Variants in RNF157 observed in about 807,000 individuals in gnomAD.
RNF157 encodes the protein E3 ubiquitin ligase RNF157.
Under a neutral mutation model 88.3 loss-of-function variants are expected in RNF157, and 55 were observed. That is an observed-to-expected ratio of 0.62 (90% CI 0.50 to 0.78). RNF157 has a LOEUF of 0.78. RNF157 is among the 30% of genes least tolerant of loss of function. The probability of loss-of-function intolerance (pLI) is 0.00; values close to 1 mark genes in which losing one functional copy is unlikely to be tolerated. For missense variants in RNF157, 788 were observed against 860.8 expected (o/e 0.92, Z 1.06); for synonymous variants, 334 against 341.2 (o/e 0.98, Z 0.23).
At chr17:76,212,120 G>T (rs1176412315) in intron 2 of RNF157, 2 of 336,716 alleles carry the variant, frequency 5.9e-6, no homozygotes, top group East Asian at 4.7e-5. Flanking sequence ...GACAGGGAGA[G>T]ATCTGTCCTA....
intron 2 of RNF157, among the ~76,000 whole-genome samples, chr17:76,187,476 G>A (rs547364924): frequency 3.9e-5 from 6 of 152,160 alleles, no homozygotes; most frequent in Middle Eastern, 3.4e-3. Flanking sequence ...GAGCCACGGC[G>A]TCTGGCCAGG....
At position 76,240,316 on chromosome 17, in the gene RNF157, CGCGCCCGGT is replaced by C; in HGVS notation, c.-85_-77del. On this transcript the variant is annotated 5_prime_UTR_variant, in exon 1 of 19. Transcript: ENST00000269391. The surrounding 1 kb of genome is among the most constrained non-coding windows in gnomAD (Gnocchi z 4.4). ...CGCGCTTCACCGCGGCCGCCCGCCC[CGCGCCCGGT>C]GCGGGGGCCGACTGCCCGCCGCGGC... The C allele has an allele frequency of 1.4e-6, 1 of 722,140 alleles. No homozygotes were observed. The highest frequency in any genetic ancestry group is 6.0e-5 in the South Asian group (1 of 16,590). The allele number at this position is 722,140 out of a possible 1,614,324, so 44.7% of individuals were successfully genotyped here.
At chr17:76,205,761 A>AAATAAAT (rs1165444181) in intron 2 of RNF157, among the ~76,000 whole-genome samples, 1 of 150,110 alleles carries the variant, frequency 6.7e-6, no homozygotes, top group African/African-American at 2.5e-5. Context: ...ATAAATAAAT[A>AAATAAAT]AAATAATAAT....
intron 2 of RNF157, among the ~76,000 whole-genome samples, chr17:76,210,596 A>AAAAAAAAG (rs2069777130): frequency 6.7e-6 from 1 of 150,028 alleles, no homozygotes; most frequent in Non-Finnish European, 1.5e-5. Flanking sequence ...TCCAAAAAAA[A>AAAAAAAAG]AAAAAAAAGA....
rs78399909 is a variant in RNF157, at chr17:76,143,487, T to C, written c.*1748A>G. On this transcript the variant is annotated 3_prime_UTR_variant, in exon 19 of 19. Transcript: ENST00000269391. Reference sequence around the variant, plus strand: ...TCAGGGAAATCAGGAAGTGGGGTTATTGCTCAGCTTATGCATCTTAACTAT... The same window carrying C: ...TCAGGGAAATCAGGAAGTGGGGTTACTGCTCAGCTTATGCATCTTAACTAT... The C allele has an allele frequency of 6.6e-6, 1 of 152,390 alleles. No individual in the cohort carries two copies. The highest frequency in any genetic ancestry group is 2.4e-5 in the African/African-American group (1 of 41,572). 9.4% of individuals were successfully genotyped at this position (152,390 alleles called of 1,614,324 possible).
intron 2 of RNF157, among the ~76,000 whole-genome samples, chr17:76,174,838 T>C (rs1476707794): frequency 1.3e-5 from 2 of 152,258 alleles, no homozygotes; most frequent in Non-Finnish European, 2.9e-5. Context: ...ATGTGACTCT[T>C]ACATTCAATA....
rs1259547703 is a variant in RNF157 at position 76,160,318 on chromosome 17, T to C, written c.1066-745A>G. Among the ~76,000 whole-genome samples the C allele has an allele frequency of 2.6e-5, 4 of 152,152 alleles. No individual in the cohort carries two copies. Among genetic ancestry groups the C allele is most frequent in the African/African-American group, 9.7e-5 (4 of 41,416 alleles). On this transcript the variant is annotated intron_variant, in intron 11 of 18. Coordinates refer to ENST00000269391, the MANE Select transcript of RNF157 (RefSeq NM_052916.3). The surrounding 1 kb of genome is among the most constrained non-coding windows in gnomAD (Gnocchi z 4.3). ...TTCTTGTTATTAAATTATTAGCTCT[T>C]AGATGATGAGGTATAAATGTTTTTA...
chr17:76,185,385 A>G (rs2069263604), intron 2 of RNF157, among the ~76,000 whole-genome samples: 1 of 152,206 alleles, frequency 6.6e-6, no homozygotes, highest in South Asian at 2.1e-4. Flanking sequence ...TTAAAAGGAG[A>G]AAAGCGTGCT....
Position 76,166,989 on chromosome 17 carries a change from C to T in RNF157, c.561+20G>A, listed in dbSNP as rs200852884. Reference sequence around the variant, plus strand: ...GCCCTTCTGAGTGGATGTGGGAAACCCTCCCCAGAGGCAGCTCACCTCCTC... The same window carrying T: ...GCCCTTCTGAGTGGATGTGGGAAACTCTCCCCAGAGGCAGCTCACCTCCTC... On this transcript the variant is annotated intron_variant, in intron 5 of 18. Coordinates refer to ENST00000269391, the MANE Select transcript of RNF157 (RefSeq NM_052916.3). 1.9e-6 allele frequency: 3 copies of T among 1,569,522 alleles called. No individual in the cohort carries two copies. The highest frequency in any genetic ancestry group is 2.6e-6 in the Non-Finnish European group (3 of 1,154,830).
intron 3 of RNF157, among the ~76,000 whole-genome samples, chr17:76,172,447 C>T (rs1230702385): frequency 2.0e-5 from 3 of 151,652 alleles, no homozygotes; most frequent in East Asian, 3.9e-4. Context: ...CAAAATTAAC[C>T]GGGCGTGGTG....
At chr17:76,220,957 C>CAA (rs35782875) in intron 1 of RNF157, among the ~76,000 whole-genome samples, 1 of 138,298 alleles carries the variant, frequency 7.2e-6, no homozygotes, top group Non-Finnish European at 1.6e-5. Context: ...GATGCTGTCT[C>CAA]AAAAAAAAAA....
In RNF157 at chr17:76,190,594, C is replaced by G. The variant is rs2069367966; in HGVS notation, c.208-16804G>C. On this transcript the variant is annotated intron_variant, in intron 2 of 18. Coordinates refer to ENST00000269391, the MANE Select transcript of RNF157 (RefSeq NM_052916.3). ...CTCCAGCCTGGGTGACAGAGTGAGACCCCATCTCAAAAAAAAAAAAAAAGA... is the reference window on the plus strand; with the variant it reads ...CTCCAGCCTGGGTGACAGAGTGAGAGCCCATCTCAAAAAAAAAAAAAAAGA... Among the ~76,000 whole-genome samples, 3 of 149,506 alleles carry G rather than the reference C, an allele frequency of 2.0e-5. No individual in the cohort carries two copies. In the South Asian group the frequency reaches 6.4e-4, roughly 32 times the overall value.
At chr17:76,220,672 T>C (rs2069966908) in intron 1 of RNF157, among the ~76,000 whole-genome samples, 1 of 151,526 alleles carries the variant, frequency 6.6e-6, no homozygotes, top group African/African-American at 2.4e-5. Context: ...TTTTTTTAGT[T>C]AGCTGGGCCA....
intron 3 of RNF157, among the ~76,000 whole-genome samples, chr17:76,173,475 A>G (rs772332857): frequency 4.6e-5 from 7 of 152,214 alleles, no homozygotes; most frequent in African/African-American, 9.7e-5. Flanking sequence ...TAGGCAAGCG[A>G]AAGTTTTTCA....
At chr17:76,165,399 G>T in intron 7 of RNF157, 103 bp downstream of exon 7, 2 of 1,172,762 alleles carry the variant, frequency 1.7e-6, no homozygotes, top group South Asian at 1.2e-5. Flanking sequence ...TCTAAAGCCA[G>T]ACCCATTCTG....
At chr17:76,217,713 T>C (rs2069913259) in intron 1 of RNF157, among the ~76,000 whole-genome samples, 2 of 152,214 alleles carry the variant, frequency 1.3e-5, no homozygotes, top group Non-Finnish European at 2.9e-5. Context: ...CACTCACAGA[T>C]AAACTGCAGA....
chr17:76,225,458 A>AT lies in RNF157; in HGVS notation c.89-12977dup, dbSNP rs201177780. On this transcript the variant is annotated intron_variant, in intron 1 of 18. Transcript: ENST00000269391. ...TTCACAATTGGGTGTGGCCTTCCAG[A>AT]TTTTTTTATACATATACAAATATGT... Among the ~76,000 whole-genome samples the AT allele has an allele frequency of 5.9e-3, 903 of 152,258 alleles. 7 individuals are homozygous for AT. The highest frequency in any genetic ancestry group is 0.02 in the African/African-American group (842 of 41,538).
In RNF157 at chr17:76,240,073, G is replaced by T; in HGVS notation, c.88+80C>A. ...CACTGAGTCCCCGAAGACCCGCGGG[G>T]CCCCCTCAGGCCGTCCCGACCCAGA... On this transcript the variant is annotated intron_variant, in intron 1 of 18. Transcript: ENST00000269391. This position sits in a 1 kb window ranked among gnomAD's most constrained non-coding sequence, Gnocchi z 4.4. 2.4e-6 allele frequency: 2 copies of T among 823,012 alleles called. No individual in the cohort carries two copies. Among genetic ancestry groups the T allele is most frequent in the Non-Finnish European group, 3.2e-6 (2 of 626,670 alleles). 51.0% of individuals were successfully genotyped at this position (823,012 alleles called of 1,614,324 possible). A position where few individuals can be genotyped will look rare whatever the true frequency, so the allele number is the denominator to read the frequency against.
chr17:76,200,645 C>T (rs572374181), intron 2 of RNF157, among the ~76,000 whole-genome samples: 11 of 152,174 alleles, frequency 7.2e-5, no homozygotes, highest in East Asian at 1.9e-4. Context: ...GACTGTACAA[C>T]GATGTGTGAT....
Sources: gnomAD v4.1 joint callset for allele counts (sites outside exome capture counted in the v4.1 genomes callset) on GRCh38, gnomAD v4.1.1 for gene constraint, Gnocchi (gnomAD v3.1) non-coding constraint, MANE v1.5 for transcripts, NCBI Gene and HGNC (gene_info 2026-07-23, HGNC 2026-07-21) for gene names.